The following GPHN variants were observed in gnomAD, a reference collection of about 807,000 sequenced individuals.
GPHN encodes the protein gephyrin.
In GPHN, 17 loss-of-function variants were observed where a neutral mutation model predicts 95.5. That is an observed-to-expected ratio of 0.18 (90% CI 0.12 to 0.27). The LOEUF (loss-of-function observed/expected upper bound fraction) is 0.27. Ranked by LOEUF, GPHN falls within the 10% of genes least tolerant of loss-of-function variation. The probability of loss-of-function intolerance (pLI) is 1.00; values close to 1 mark genes in which losing one functional copy is unlikely to be tolerated. For synonymous variants in GPHN, 320 were observed against 322.5 expected (o/e 0.99, Z 0.08); for missense variants, 660 against 978.1 (o/e 0.67, Z 4.34).
intron 19 of GPHN, among the ~76,000 whole-genome samples, chr14:67,161,685 G>A (rs955635493): frequency 2.6e-5 from 4 of 151,928 alleles, no homozygotes; most frequent in African/African-American, 4.8e-5. Flanking sequence ...CACTTGAGGC[G>A]GAGGTGGCAG....
chr14:67,497,504 C>T, the GPHN span, among the ~76,000 whole-genome samples: 5 of 152,126 alleles, frequency 3.3e-5, no homozygotes, highest in South Asian at 2.1e-4. Context: ...ACCTGGAATG[C>T]AATTCCCACG....
At chr14:66,921,444 GTT>G (rs1161971475) in intron 6 of GPHN, among the ~76,000 whole-genome samples, 2 of 129,170 alleles carry the variant, frequency 1.5e-5, no homozygotes, top group Non-Finnish European at 1.7e-5. Flanking sequence ...TGATGGGATT[GTT>G]TTTTTTTTTT....
chr14:66,751,340 A>G (rs903260743), intron 2 of GPHN, among the ~76,000 whole-genome samples: 1 of 151,860 alleles, frequency 6.6e-6, no homozygotes, highest in Non-Finnish European at 1.5e-5. Flanking sequence ...TTTCTCTGCA[A>G]CCTCACCAGC....
the GPHN span, among the ~76,000 whole-genome samples, chr14:67,500,397 C>A: frequency 6.6e-6 from 1 of 151,944 alleles, no homozygotes; most frequent in South Asian, 2.1e-4. Context: ...TCTCTTGAAC[C>A]CGAGAGGCAG....
chr14:66,534,827 A>G (rs764023401), intron 1 of GPHN, among the ~76,000 whole-genome samples: 2 of 152,142 alleles, frequency 1.3e-5, no homozygotes, highest in Non-Finnish European at 2.9e-5. Context: ...GACATATTTT[A>G]AAGTTATTCT....
Position 66,794,011 on chromosome 14 carries a change from A to T in GPHN, c.201+17490A>T, listed in dbSNP as rs537310693. ...GTCAGACTGAATGACAAGTATTTTT[A>T]AAAACCCATCTGTGTGCTTTCTGCA... On this transcript the variant is annotated intron_variant, in intron 3 of 22. Transcript: ENST00000478722. Among the ~76,000 whole-genome samples the T allele has an allele frequency of 1.1e-4, 16 of 152,338 alleles. No homozygotes were observed. In the South Asian group the frequency reaches 3.1e-3, roughly 30 times the overall value.
chr14:66,857,749 C>T (rs2062859015), intron 4 of GPHN, among the ~76,000 whole-genome samples: 2 of 152,110 alleles, frequency 1.3e-5, no homozygotes, highest in African/African-American at 2.4e-5. Context: ...GAAGGAGACA[C>T]TGAAAGGGAT....
At chr14:66,842,451 A>G (rs1413406578) in intron 4 of GPHN, among the ~76,000 whole-genome samples, 1 of 152,116 alleles carries the variant, frequency 6.6e-6, no homozygotes, top group African/African-American at 2.4e-5. Flanking sequence ...TCCTTGCTGG[A>G]AACTGTTTGC....
chr14:67,650,470 G>A, the GPHN span: 19 of 516,746 alleles, frequency 3.7e-5, no homozygotes, highest in Non-Finnish European at 6.3e-5. Context: ...TATGTTAGTT[G>A]AACAGGGATG....
chr14:66,518,900 AAATT>A, intron 1 of GPHN, among the ~76,000 whole-genome samples: 1 of 152,108 alleles, frequency 6.6e-6, no homozygotes, highest in Non-Finnish European at 1.5e-5. Flanking sequence ...TTGGAGAAAT[AAATT>A]CTAGTCTTCT....
the GPHN span, chr14:67,203,075 T>A: frequency 1.2e-6 from 2 of 1,607,616 alleles, no homozygotes; most frequent in Non-Finnish European, 1.7e-6. Context: ...TAACGCCTTT[T>A]CCTGTTTTCT....
chr14:67,523,050 C>T, the GPHN span, among the ~76,000 whole-genome samples: 8 of 152,264 alleles, frequency 5.3e-5, no homozygotes, highest in East Asian at 1.9e-4. Flanking sequence ...CCAGGCTGGG[C>T]GCGGTGGCTC....
intron 16 of GPHN, among the ~76,000 whole-genome samples, chr14:67,113,701 GTGGCATGATATTTAGAA>G (rs1432408649): frequency 6.6e-6 from 1 of 151,972 alleles, no homozygotes; most frequent in Non-Finnish European, 1.5e-5. Flanking sequence ...AGCATCTCTA[GTGGCATGATATTTAGAA>G]TGGGTCAAAA....
chr14:67,465,050 G>A, the GPHN span, among the ~76,000 whole-genome samples: 1 of 152,212 alleles, frequency 6.6e-6, no homozygotes, highest in African/African-American at 2.4e-5. Flanking sequence ...CAGGCCTAGC[G>A]CAGGGAGGTC....
the GPHN span, among the ~76,000 whole-genome samples, chr14:67,517,340 C>T: frequency 6.6e-6 from 1 of 152,214 alleles, no homozygotes; most frequent in Non-Finnish European, 1.5e-5. Context: ...GCTGGAAAGG[C>T]TTCGGAAGAT....
the GPHN span, among the ~76,000 whole-genome samples, chr14:67,329,783 G>T: frequency 6.6e-6 from 1 of 151,988 alleles, no homozygotes; most frequent in Admixed American, 6.6e-5. Flanking sequence ...TGAAGAGGCC[G>T]AGTTCGTGCT....
the GPHN span, among the ~76,000 whole-genome samples, chr14:67,281,423 G>A: frequency 6.6e-6 from 1 of 151,974 alleles, no homozygotes; most frequent in African/African-American, 2.4e-5. Flanking sequence ...AGAATTTTAT[G>A]CTCTTTTTTC....
intron 1 of GPHN, among the ~76,000 whole-genome samples, chr14:66,590,784 A>G (rs901903349): frequency 6.6e-6 from 1 of 152,134 alleles, no homozygotes; most frequent in Non-Finnish European, 1.5e-5. Context: ...AAGAGAAGGA[A>G]TCCTCCCTAA....
intron 1 of GPHN, among the ~76,000 whole-genome samples, chr14:66,573,618 G>A (rs575910110): frequency 6.9e-4 from 105 of 151,976 alleles, no homozygotes; most frequent in African/African-American, 2.4e-3. Context: ...CACCACGCAC[G>A]GCTAATTTTT....
Sources: allele counts gnomAD v4.1 joint callset (sites outside exome capture counted in the v4.1 genomes callset), GRCh38; gene constraint gnomAD v4.1.1; transcripts MANE v1.5; gene names NCBI Gene and HGNC (gene_info 2026-07-23, HGNC 2026-07-21).